Variants in COL5A3 observed in about 807,000 individuals in gnomAD.
COL5A3 encodes collagen type V alpha 3 chain, also known as collagen alpha-3(V) chain.
Under a neutral mutation model 250.0 loss-of-function variants are expected in COL5A3, and 172 were observed. The ratio of observed to expected loss-of-function variants is 0.69; its 90% CI spans 0.61 to 0.78. The LOEUF (loss-of-function observed/expected upper bound fraction) is 0.78. Among genes scored for constraint, COL5A3 ranks in the 30% least tolerant of loss-of-function variants. COL5A3 has a pLI of 0.00. For synonymous variants in COL5A3, 937 were observed against 900.4 expected (o/e 1.04, Z -0.73); for missense variants, 2,340 against 2,334.4 (o/e 1.00, Z -0.05).
chr19:9,979,549 G>T (rs1173956235), intron 37 of COL5A3, 132 bp from the exon 38 acceptor site: 31 of 945,698 alleles, frequency 3.3e-5, no homozygotes, highest in Non-Finnish European at 4.3e-5. Flanking sequence ...CAGCACTTTG[G>T]GAGGCAGAGG....
At chr19:9,973,480 G>T in intron 50 of COL5A3, 90 bp downstream of exon 50, 1 of 1,312,870 alleles carries the variant, frequency 7.6e-7, no homozygotes, top group Non-Finnish European at 1.1e-6. Context: ...GGATGATCTT[G>T]CACTGTCCAG....
At chr19:9,984,250 C>T (rs1178024281) in intron 31 of COL5A3, among the ~76,000 whole-genome samples, 4 of 152,028 alleles carry the variant, frequency 2.6e-5, no homozygotes, top group East Asian at 1.9e-4. Context: ...GGTGAACTCT[C>T]GACCTCAGGT....
intron 41 of COL5A3, among the ~76,000 whole-genome samples, chr19:9,977,947 C>CATACATATATAT (rs1555736344): frequency 4.7e-5 from 5 of 106,140 alleles, no homozygotes; most frequent in Admixed American, 1.1e-4. Context: ...GCAGCCTATA[C>CATACATATATAT]ATATATATAT....
At chr19:10,001,955 G>C in intron 6 of COL5A3, 74 bp from the exon 7 acceptor site, 3 of 1,014,376 alleles carry the variant, frequency 3.0e-6, no homozygotes, top group Non-Finnish European at 4.5e-6. Flanking sequence ...CCCTCCCACT[G>C]TCCCCAGGAG....
intron 37 of COL5A3, 49 bp downstream of exon 37, chr19:9,979,790 A>AG: frequency 6.7e-7 from 1 of 1,500,462 alleles, no homozygotes; most frequent in Non-Finnish European, 9.0e-7. Context: ...TGTCTCAAAA[A>AG]GAAAAAAAAA....
chr19:10,000,901 A>T (rs1253869426), intron 8 of COL5A3, among the ~76,000 whole-genome samples: 1 of 152,148 alleles, frequency 6.6e-6, no homozygotes, highest in Non-Finnish European at 1.5e-5. Flanking sequence ...GAACACATGG[A>T]CACATAGAGG....
chr19:9,973,204 T>A (rs1228377377), intron 50 of COL5A3, among the ~76,000 whole-genome samples, 178 bp from the exon 51 acceptor site: 1 of 152,042 alleles, frequency 6.6e-6, no homozygotes, highest in African/African-American at 2.4e-5. Context: ...CAGTGAAAGG[T>A]CTGGATGGTC....
At chr19:9,999,462 C>CTTT (rs2087324665) in intron 8 of COL5A3, among the ~76,000 whole-genome samples, 1 of 122,028 alleles carries the variant, frequency 8.2e-6, no homozygotes, top group Non-Finnish European at 1.6e-5. Flanking sequence ...TTCTTTTTTT[C>CTTT]TTTTTTCTTT....
At chr19:10,005,424 G>A in intron 4 of COL5A3, 134 bp downstream of exon 4, 1 of 851,492 alleles carries the variant, frequency 1.2e-6, no homozygotes, top group Non-Finnish European at 1.9e-6. Flanking sequence ...ACGAAAGCAT[G>A]AACTCGCTTC....
At chr19:9,998,218 G>A (rs1237270529) in intron 8 of COL5A3, 69 bp from the exon 9 acceptor site, 3 of 1,425,050 alleles carry the variant, frequency 2.1e-6, no homozygotes, top group South Asian at 1.3e-5. Context: ...TCAGTTATCT[G>A]ATCACACACA....
Position 9,983,529 on chromosome 19 carries a change from GAAGAAAGAAAGAAAGAAAGAAAGAAAGA to G in COL5A3, c.2407-1439_2407-1412del, listed in dbSNP as rs59275367. Among the ~76,000 whole-genome samples, 768 of 95,222 alleles carry G rather than the reference GAAGAAAGAAAGAAAGAAAGAAAGAAAGA, an allele frequency of 8.1e-3. 16 individuals are homozygous for G. Among genetic ancestry groups the G allele is most frequent in the Non-Finnish European group, 0.012 (589 of 50,496 alleles). 62.5% of individuals were successfully genotyped at this position (95,222 alleles called of 152,430 possible). A position where few individuals can be genotyped will look rare whatever the true frequency, so the allele number is the denominator to read the frequency against. ...AAGCAAGCAAGCAAGCAAAAAGAAA[GAAGAAAGAAAGAAAGAAAGAAAGAAAGA>G]AAGAAAGAAAGAAAGAAAGAAAGAA... On this transcript the variant is annotated intron_variant, in intron 31 of 66. Transcript: ENST00000264828.
chr19:9,988,855 A>AAAAAAAAAAAAAGAGAGAGAGAAAG (rs1269531312), intron 27 of COL5A3, among the ~76,000 whole-genome samples: 35 of 104,680 alleles, frequency 3.3e-4, no homozygotes, highest in East Asian at 1.8e-3. Context: ...AAAAAAAAAA[A>AAAAAAAAAAAAAGAGAGAGAGAAAG]AAAGAAAGTA....
At chr19:10,004,561 C>G (rs941418472) in intron 4 of COL5A3, among the ~76,000 whole-genome samples, 2 of 152,196 alleles carry the variant, frequency 1.3e-5, no homozygotes, top group Non-Finnish European at 2.9e-5. Flanking sequence ...GAACTCCTGG[C>G]CTCAAGTGAT....
chr19:9,966,570 G>A lies in COL5A3; in HGVS notation c.4635C>T (p.His1545=). The change falls in exon 63 of 67, where the codon CAC becomes CAT. Residue 1545 remains histidine, a synonymous_variant. Transcript: ENST00000264828. ...GGTGCGGGTGGTTGCGGTGCAGCTC[G>A]TGGCACACGAGGCCCGGGCGCTCCG... is the stretch of plus-strand genomic sequence containing the variant. ...GTAERPGLVC[H]ELHRNHPHLP... The A allele has an allele frequency of 6.5e-7, 1 of 1,543,300 alleles. No individual in the cohort carries two copies. The highest frequency in any genetic ancestry group is 8.7e-7 in the Non-Finnish European group (1 of 1,147,646).
chr19:9,993,375 CT>C lies in COL5A3; in HGVS notation c.1749+4del. ...AACCAGGCCCTAACTCTCTTCCAAA[CT>C]TACCCTCTCACCATCCTCTCCTGGG... On this transcript the variant is annotated splice_donor_region_variant and intron_variant, in intron 19 of 66. Transcript: ENST00000264828. 1 of 1,614,140 alleles carries C rather than the reference CT, an allele frequency of 6.2e-7. No individual in the cohort carries two copies. The highest frequency in any genetic ancestry group is 2.2e-5 in the East Asian group (1 of 44,886).
chr19:9,962,796 C>T, intron 65 of COL5A3, 23 bp downstream of exon 65: 2 of 1,590,922 alleles, frequency 1.3e-6, no homozygotes, highest in Non-Finnish European at 1.7e-6. Context: ...ATGTCACTCC[C>T]CATCTCGGCC....
Position 9,960,508 on chromosome 19 carries a change from G to T in COL5A3, c.5141C>A (p.Ala1714Glu), listed in dbSNP as rs199939192. 2 of 1,614,070 alleles carry T rather than the reference G, an allele frequency of 1.2e-6. No individual in the cohort carries two copies. Among genetic ancestry groups the T allele is most frequent in the African/African-American group, 2.7e-5 (2 of 74,926 alleles). Reference sequence around the variant, plus strand: ...CACATCCCACAGGGGCAGAAATCCCGCTCGAGAAGAGCTGAATTCGAAAAG... The same window carrying T: ...CACATCCCACAGGGGCAGAAATCCCTCTCGAGAAGAGCTGAATTCGAAAAG... ...KTLFEFSSSR[A>E]GFLPLWDVAA... Residue 1714 changes from alanine (A) to glutamate (E), a missense_variant, in exon 67 of 67, where the codon GCG becomes GAG. By Grantham distance (107) the Ala-to-Glu change is moderately radical. This residue lies in a region of COL5A3 where 1,179 missense variants were observed against 1,162.6 expected (regional missense o/e 1.01). Coordinates refer to ENST00000264828, the MANE Select transcript of COL5A3 (RefSeq NM_015719.4).
At chr19:9,999,993 G>A (rs2087335228) in intron 8 of COL5A3, among the ~76,000 whole-genome samples, 1 of 152,046 alleles carries the variant, frequency 6.6e-6, no homozygotes, top group Admixed American at 6.6e-5. Flanking sequence ...CTTGGGCTCA[G>A]GTGATCTTCC....
chr19:10,004,432 G>T (rs552787882), intron 4 of COL5A3, among the ~76,000 whole-genome samples: 5 of 152,196 alleles, frequency 3.3e-5, no homozygotes, highest in African/African-American at 2.4e-5. Context: ...TTCCTTCACC[G>T]GTTCAAGTGA....
Sources: allele counts gnomAD v4.1 joint callset (sites outside exome capture counted in the v4.1 genomes callset), GRCh38; gene constraint gnomAD v4.1.1; regional missense constraint gnomAD v4.1.1; transcripts MANE v1.5; gene names NCBI Gene and HGNC (gene_info 2026-07-23, HGNC 2026-07-21).